The following NFATC2 variants were observed in gnomAD, a reference collection of about 807,000 sequenced individuals.
The protein encoded by NFATC2 is nuclear factor of activated T-cells, cytoplasmic 2.
NFATC2 carries 22 observed loss-of-function variants against 87.3 expected under a neutral mutation model. The observed-to-expected ratio is 0.25, with a 90% CI of 0.18 to 0.36. The LOEUF (loss-of-function observed/expected upper bound fraction) is 0.36, where lower values mean the gene tolerates loss of function less well. Ranked by LOEUF, NFATC2 falls within the 10% of genes least tolerant of loss-of-function variation. The probability of loss-of-function intolerance (pLI) is 1.00; values close to 1 mark genes in which losing one functional copy is unlikely to be tolerated. For missense variants in NFATC2, 1,149 were observed against 1,259.1 expected (o/e 0.91, Z 1.32); for synonymous variants, 565 against 542.2 (o/e 1.04, Z -0.58).
chr20:51,546,865 G>A (rs1330401262), upstream of NFATC2, among the ~76,000 whole-genome samples: 1 of 152,194 alleles, frequency 6.6e-6, no homozygotes, highest in Non-Finnish European at 1.5e-5. Context: ...AGTTAGTTAG[G>A]GAATGATGAG....
At chr20:51,446,189 C>T (rs1419762273) in intron 6 of NFATC2, among the ~76,000 whole-genome samples, 1 of 152,166 alleles carries the variant, frequency 6.6e-6, no homozygotes, top group Non-Finnish European at 1.5e-5. Context: ...TCTGATGGGT[C>T]TAGGGTAAGG....
intron 5 of NFATC2, among the ~76,000 whole-genome samples, chr20:51,472,639 T>C (rs1349705887): frequency 2.1e-5 from 3 of 142,422 alleles, no homozygotes; most frequent in South Asian, 2.4e-4. Flanking sequence ...CTTTTTTTTT[T>C]TTTTTTTTTT....
Position 51,398,742 on chromosome 20 carries a change from T to C in NFATC2, c.2723-12A>G. 1 of 1,590,822 alleles carries C rather than the reference T, an allele frequency of 6.3e-7. No homozygotes were observed. The highest frequency in any genetic ancestry group is 8.6e-7 in the Non-Finnish European group (1 of 1,163,358). ...TGTGTCTATCAGCTCTGAAAAAGAT[T>C]TGCAAAATCATTTTTGAGAAGAAAA... On this transcript the variant is annotated splice_polypyrimidine_tract_variant and intron_variant, in intron 9 of 10. Transcript: ENST00000371564.
chr20:51,511,728 C>A (rs2076274760), intron 3 of NFATC2, among the ~76,000 whole-genome samples: 1 of 152,232 alleles, frequency 6.6e-6, no homozygotes, highest in African/African-American at 2.4e-5. Context: ...CTTGATCTTT[C>A]CCCTGGTACT....
At position 51,390,327 on chromosome 20, in the gene NFATC2, C is replaced by T. The variant is rs1986181407; in HGVS notation, c.*1169G>A. On this transcript the variant is annotated 3_prime_UTR_variant, in exon 11 of 11. Transcript: ENST00000371564. ...GCTGTCCCACTTAGAGGGAATTCAGCCCTTTTCCTCTATCTTGGTAGAAAC... is the reference window on the plus strand; with the variant it reads ...GCTGTCCCACTTAGAGGGAATTCAGTCCTTTTCCTCTATCTTGGTAGAAAC... 1 of 152,234 alleles carries T rather than the reference C, an allele frequency of 6.6e-6. No individual in the cohort carries two copies. The highest frequency in any genetic ancestry group is 2.4e-5 in the African/African-American group (1 of 41,460). 9.4% of individuals were successfully genotyped at this position (152,234 alleles called of 1,614,324 possible).
intron 9 of NFATC2, among the ~76,000 whole-genome samples, chr20:51,431,432 C>T (rs1982687539): frequency 6.6e-6 from 1 of 152,186 alleles, no homozygotes; most frequent in African/African-American, 2.4e-5. Flanking sequence ...CACACAAAGC[C>T]TCCTCTGCAT....
In NFATC2 at chr20:51,523,839, G is replaced by C. The variant is rs767806737; in HGVS notation, c.402C>G (p.Gly134=). 5 of 1,610,532 alleles carry C rather than the reference G, an allele frequency of 3.1e-6. No homozygotes were observed. The African/African-American group carries it at 6.7e-5, about 22-fold the overall frequency. The change falls in exon 2 of 11, where the codon GGC becomes GGG. Residue 134 remains glycine (G), a synonymous_variant. Coordinates refer to ENST00000371564, the MANE Select transcript of NFATC2 (RefSeq NM_012340.5). This position sits in a 1 kb window ranked among gnomAD's most constrained non-coding sequence, Gnocchi z 6.9. ...AVGPLRMRDA[G]LLVEQPPLAG... is the part of the protein sequence containing the mutation. ...CCAGGGGCGGCTGCTCCACCAGGAG[G>C]CCCGCGTCTCTCATGCGGAGGGGCC...
intron 1 of NFATC2, among the ~76,000 whole-genome samples, chr20:51,561,489 AAGC>A (rs1568765939): frequency 0.065 from 5,499 of 85,138 alleles, 123 homozygotes; most frequent in East Asian, 0.081. Context: ...GAAAGAAAGC[AAGC>A]AAGCAAGCAA....
At chr20:51,508,207 A>C (rs1413784738) in intron 3 of NFATC2, among the ~76,000 whole-genome samples, 1 of 152,086 alleles carries the variant, frequency 6.6e-6, no homozygotes, top group Non-Finnish European at 1.5e-5. Context: ...CCCCTCAGTG[A>C]ACCTCCGTGT....
chr20:51,482,500 T>C (rs919810836), intron 3 of NFATC2, among the ~76,000 whole-genome samples: 1 of 152,220 alleles, frequency 6.6e-6, no homozygotes, highest in African/African-American at 2.4e-5. Flanking sequence ...TTTCTTTCAT[T>C]CCAAACTGTT....
chr20:51,394,382 TCCC>T (rs1986748219), intron 10 of NFATC2, among the ~76,000 whole-genome samples: 1 of 89,288 alleles, frequency 1.1e-5, no homozygotes, highest in African/African-American at 5.4e-5. Context: ...TCTCTGTCTG[TCCC>T]CCCTCAGCAC....
intron 9 of NFATC2, among the ~76,000 whole-genome samples, chr20:51,399,391 T>A (rs1025407537): frequency 2.6e-5 from 4 of 152,242 alleles, no homozygotes; most frequent in African/African-American, 9.6e-5. Flanking sequence ...TTTGGCCGAA[T>A]TGGAATACCC....
chr20:51,504,790 C>A (rs912454573), intron 3 of NFATC2, among the ~76,000 whole-genome samples: 1 of 152,120 alleles, frequency 6.6e-6, no homozygotes, highest in South Asian at 2.1e-4. Context: ...TCCATTTATG[C>A]ATGGAATGCA....
chr20:51,498,196 GCCA>G (rs2076021021), intron 3 of NFATC2, among the ~76,000 whole-genome samples: 1 of 152,140 alleles, frequency 6.6e-6, no homozygotes, highest in African/African-American at 2.4e-5. Flanking sequence ...GCACAGGAAA[GCCA>G]CCAAGGAGCC....
At chr20:51,540,127 C>T (rs537375004) in intron 1 of NFATC2, among the ~76,000 whole-genome samples, 16 of 152,182 alleles carry the variant, frequency 1.1e-4, no homozygotes, top group African/African-American at 2.9e-4. Context: ...AATTCTCCTG[C>T]GTCATCCTCC....
At chr20:51,443,980 G>A (rs1464783971) in intron 6 of NFATC2, among the ~76,000 whole-genome samples, 1 of 151,766 alleles carries the variant, frequency 6.6e-6, no homozygotes, top group East Asian at 2.0e-4. Flanking sequence ...CATAGCCTTT[G>A]TTTTGTGTTT....
Position 51,389,626 on chromosome 20 carries a change from G to C in NFATC2, c.*1870C>G, listed in dbSNP as rs1007831268. 1 of 152,152 alleles carries C rather than the reference G, an allele frequency of 6.6e-6. No individual in the cohort carries two copies. The highest frequency in any genetic ancestry group is 2.4e-5 in the African/African-American group (1 of 41,434). 9.4% of individuals were successfully genotyped at this position (152,152 alleles called of 1,614,324 possible). On this transcript the variant is annotated 3_prime_UTR_variant, in exon 11 of 11. Coordinates refer to ENST00000371564, the MANE Select transcript of NFATC2 (RefSeq NM_012340.5). Reference sequence around the variant, plus strand: ...CTCTTTGAGCTTAGGGTGGGTGAGGGAAAGGTCGTTCATTGTCAGGGAAAA... The same window carrying C: ...CTCTTTGAGCTTAGGGTGGGTGAGGCAAAGGTCGTTCATTGTCAGGGAAAA...
chr20:51,534,587 G>C (rs1007315256), intron 1 of NFATC2, among the ~76,000 whole-genome samples: 2 of 152,162 alleles, frequency 1.3e-5, no homozygotes, highest in Non-Finnish European at 2.9e-5. Context: ...CACCCACCTC[G>C]GCCTCCCAGT....
chr20:51,516,897 AG>A lies in NFATC2; in HGVS notation c.1218del (p.Ser407LeufsTer86). 6.2e-7 allele frequency: 1 copy of A among 1,614,188 alleles called. No individual in the cohort carries two copies. Among genetic ancestry groups the A allele is most frequent in the Non-Finnish European group, 8.5e-7 (1 of 1,180,018 alleles). ...TGCACCTCGATCCGCAGCTCGTAAG[AG>A]CCTGACTGACTGGACAGCGGCCACT... is the stretch of plus-strand genomic sequence containing the variant. ...PLEWPLSSQS[G>X]SYELRIEVQP... On this transcript the variant is annotated frameshift_variant, in exon 3 of 11. Coordinates refer to ENST00000371564, the MANE Select transcript of NFATC2 (RefSeq NM_012340.5). LOFTEE classifies it high-confidence loss of function.
Sources: gnomAD v4.1 joint callset for allele counts (sites outside exome capture counted in the v4.1 genomes callset) on GRCh38, gnomAD v4.1.1 for gene constraint, Gnocchi (gnomAD v3.1) non-coding constraint, MANE v1.5 for transcripts, NCBI Gene and HGNC (gene_info 2026-07-23, HGNC 2026-07-21) for gene names.